The following PTPRK variants were observed in gnomAD, a reference collection of about 807,000 sequenced individuals.
PTPRK encodes receptor-type tyrosine-protein phosphatase kappa.
A neutral mutation model predicts 178.0 loss-of-function variants in PTPRK; 75 were observed. That is an observed-to-expected ratio of 0.42 (90% CI 0.35 to 0.51). The LOEUF (loss-of-function observed/expected upper bound fraction) is 0.51. Among genes scored for constraint, PTPRK ranks in the 20% least tolerant of loss-of-function variants. The pLI is 0.02. For synonymous variants in PTPRK, 637 were observed against 620.6 expected, an observed-to-expected ratio of 1.03 and a Z score of -0.39; for missense variants, 1,441 against 1,797.8, an observed-to-expected ratio of 0.80 and a Z score of 3.59.
intron 1 of PTPRK, among the ~76,000 whole-genome samples, chr6:128,452,966 A>G (rs983743283): frequency 1.3e-5 from 2 of 152,200 alleles, no homozygotes; most frequent in African/African-American, 4.8e-5. Context: ...TCACTGTGTC[A>G]CATTGAGTAC....
chr6:128,381,915 G>C (rs1280778947), intron 2 of PTPRK, among the ~76,000 whole-genome samples: 1 of 151,928 alleles, frequency 6.6e-6, no homozygotes, highest in Non-Finnish European at 1.5e-5. Flanking sequence ...GCCAGGCATG[G>C]TGGCTCATGC....
intron 1 of PTPRK, among the ~76,000 whole-genome samples, chr6:128,514,617 G>A (rs985443333): frequency 2.0e-5 from 3 of 151,980 alleles, no homozygotes; most frequent in East Asian, 1.9e-4. Context: ...GTGGAAACAC[G>A]GATTATTCCA....
intron 1 of PTPRK, among the ~76,000 whole-genome samples, chr6:128,437,930 T>C (rs902296569): frequency 9.9e-5 from 15 of 152,196 alleles, no homozygotes; most frequent in South Asian, 6.2e-4. Context: ...AGAGATCAGT[T>C]TCAAGATCCC....
At chr6:128,297,759 C>A (rs955850722) in intron 3 of PTPRK, among the ~76,000 whole-genome samples, 7 of 152,058 alleles carry the variant, frequency 4.6e-5, no homozygotes, top group African/African-American at 1.7e-4. Flanking sequence ...ACTAAATGCC[C>A]ACAAGAGAAA....
At position 128,520,561 on chromosome 6, in the gene PTPRK, G is replaced by T; in HGVS notation, c.-203C>A. ...GCCAGCGTCGCCGGCCGGCCGCGGC[G>T]GCAGCTCTCCATGCTCGGCGGAGGC... On this transcript the variant is annotated 5_prime_UTR_variant, in exon 1 of 30. Coordinates refer to ENST00000368226, the MANE Select transcript of PTPRK (RefSeq NM_002844.4). The T allele has an allele frequency of 1.7e-6, 1 of 572,392 alleles. No homozygotes were observed. The highest frequency in any genetic ancestry group is 2.9e-5 in the East Asian group (1 of 34,628). The allele number at this position is 572,392 out of a possible 1,614,324, so 35.5% of individuals were successfully genotyped here. A position where few individuals can be genotyped will look rare whatever the true frequency, so the allele number is the denominator to read the frequency against.
At chr6:128,291,506 T>G (rs1230461173) in intron 3 of PTPRK, among the ~76,000 whole-genome samples, 2 of 152,144 alleles carry the variant, frequency 1.3e-5, no homozygotes, top group Non-Finnish European at 2.9e-5. Flanking sequence ...ACAATACTAG[T>G]AAGGAACTGA....
At chr6:128,454,950 C>G (rs965781752) in intron 1 of PTPRK, among the ~76,000 whole-genome samples, 1 of 152,100 alleles carries the variant, frequency 6.6e-6, no homozygotes, top group South Asian at 2.1e-4. Flanking sequence ...AATAAGGATT[C>G]CTCTGGGGAT....
At chr6:128,105,731 A>G (rs1172655872) in intron 7 of PTPRK, among the ~76,000 whole-genome samples, 1 of 152,164 alleles carries the variant, frequency 6.6e-6, no homozygotes, top group African/African-American at 2.4e-5. Context: ...TTCAGGTTAC[A>G]CTCTAGAACA....
intron 14 of PTPRK, chr6:128,005,974 A>G: frequency 7.2e-7 from 1 of 1,382,638 alleles, no homozygotes; most frequent in East Asian, 2.5e-5. Context: ...TTGAAAAGGG[A>G]TACTGCATCC....
chr6:128,224,131 C>A (rs936707087), intron 5 of PTPRK, among the ~76,000 whole-genome samples: 1 of 152,010 alleles, frequency 6.6e-6, no homozygotes, highest in African/African-American at 2.4e-5. Flanking sequence ...AAATGTATAC[C>A]CACCTCTGAG....
At chr6:128,074,951 T>C (rs1783520145) in intron 11 of PTPRK, among the ~76,000 whole-genome samples, 1 of 152,042 alleles carries the variant, frequency 6.6e-6, no homozygotes, top group Non-Finnish European at 1.5e-5. Context: ...CATTACTTTT[T>C]TGATTTGGGG....
chr6:128,163,022 T>C (rs1798910032), intron 7 of PTPRK, among the ~76,000 whole-genome samples: 1 of 151,490 alleles, frequency 6.6e-6, no homozygotes, highest in African/African-American at 2.4e-5. Flanking sequence ...ACATTATGCT[T>C]AACATGTTTC....
intron 7 of PTPRK, among the ~76,000 whole-genome samples, chr6:128,129,376 C>A (rs1394847567): frequency 6.6e-6 from 1 of 152,130 alleles, no homozygotes; most frequent in Non-Finnish European, 1.5e-5. Context: ...CCTTATTGCT[C>A]CAGATTCTGC....
chr6:128,329,697 G>A (rs1364205072), intron 2 of PTPRK, among the ~76,000 whole-genome samples: 2 of 151,774 alleles, frequency 1.3e-5, no homozygotes, highest in African/African-American at 2.4e-5. Context: ...TACTTCAAGC[G>A]ATTGGATGAG....
chr6:128,119,723 A>G (rs1385041783), intron 7 of PTPRK, among the ~76,000 whole-genome samples: 4 of 152,052 alleles, frequency 2.6e-5, no homozygotes, highest in Non-Finnish European at 4.4e-5. Context: ...TATCATGATA[A>G]GGTTAAGTAT....
intron 7 of PTPRK, among the ~76,000 whole-genome samples, chr6:128,178,717 G>T (rs1272863580): frequency 6.6e-6 from 1 of 150,906 alleles, no homozygotes. Flanking sequence ...ATGTTTTCAT[G>T]ATCTCTCTGC....
Position 128,067,618 on chromosome 6 carries a change from A to G in PTPRK, c.2058T>C (p.Thr686=), listed in dbSNP as rs779467486. The change falls in exon 12 of 30, where the codon ACT becomes ACC. Residue 686 remains threonine (T), a synonymous_variant. Transcript: ENST00000368226. ...PGNLPEPAPF[T]VGDNRTYQGF... ...CTTGGTAGGTCCGATTGTCACCCAC[A>G]GTGAACGGGGCAGGCTCAGGTAGGT... 6.2e-7 allele frequency: 1 copy of G among 1,613,604 alleles called. No individual in the cohort carries two copies. Among genetic ancestry groups the G allele is most frequent in the Non-Finnish European group, 8.5e-7 (1 of 1,179,632 alleles).
chr6:128,433,003 G>A (rs1845036195), intron 1 of PTPRK, among the ~76,000 whole-genome samples: 1 of 151,594 alleles, frequency 6.6e-6, no homozygotes, highest in African/African-American at 2.4e-5. Flanking sequence ...CAATACATAA[G>A]GTTTGTACAT....
At chr6:128,355,382 A>C (rs1471561107) in intron 2 of PTPRK, among the ~76,000 whole-genome samples, 1 of 152,258 alleles carries the variant, frequency 6.6e-6, no homozygotes, top group Non-Finnish European at 1.5e-5. Context: ...ACATTAAGTC[A>C]GTCTTTTAAT....
Sources: gnomAD v4.1 joint callset for allele counts (sites outside exome capture counted in the v4.1 genomes callset) on GRCh38, gnomAD v4.1.1 for gene constraint, MANE v1.5 for transcripts, NCBI Gene and HGNC (gene_info 2026-07-23, HGNC 2026-07-21) for gene names.